Variants in PCDHAC1 observed in about 807,000 individuals in gnomAD.
The protein encoded by PCDHAC1 is protocadherin alpha-C1.
In PCDHAC1, 42 loss-of-function variants were observed where a neutral mutation model predicts 60.0. That is an observed-to-expected ratio of 0.70 (90% CI 0.55 to 0.90). The LOEUF (loss-of-function observed/expected upper bound fraction) is 0.90, where lower values mean the gene tolerates loss of function less well. Ranked by LOEUF, PCDHAC1 falls within the 40% of genes least tolerant of loss-of-function variation. The pLI, the probability that PCDHAC1 is intolerant of heterozygous loss-of-function variation, is 0.00. For missense variants in PCDHAC1, 1,160 were observed against 1,222.3 expected (o/e 0.95, Z 0.76); for synonymous variants, 468 against 499.3 (o/e 0.94, Z 0.84).
intron 2 of PCDHAC1, among the ~76,000 whole-genome samples, chr5:140,981,928 T>A (rs141616160): frequency 6.6e-6 from 1 of 152,202 alleles, no homozygotes; most frequent in African/African-American, 2.4e-5. Context: ...GTTTCTCTAG[T>A]CTCAGGAAAT....
Position 141,011,614 on chromosome 5 carries a change from T to C in PCDHAC1, c.*1677T>C, listed in dbSNP as rs1268321894. On this transcript the variant is annotated 3_prime_UTR_variant, in exon 4 of 4. Transcript: ENST00000253807. ...GTGATTCAAGGAATTTTATTTATGG[T>C]CCAGCCAAGAGCCATCTCGTGCCAA... 5 of 153,774 alleles carry C rather than the reference T, an allele frequency of 3.3e-5. No individual in the cohort carries two copies. Among genetic ancestry groups the C allele is most frequent in the African/African-American group, 1.2e-4 (5 of 41,460 alleles). 9.5% of individuals were successfully genotyped at this position (153,774 alleles called of 1,614,324 possible). A position where few individuals can be genotyped will look rare whatever the true frequency, so the allele number is the denominator to read the frequency against.
intron 3 of PCDHAC1, among the ~76,000 whole-genome samples, chr5:140,987,383 G>A (rs2097252098): frequency 6.6e-6 from 1 of 152,138 alleles, no homozygotes; most frequent in Admixed American, 6.5e-5. Flanking sequence ...GGGTCAGAAT[G>A]CATGCAAGGA....
At chr5:141,005,558 C>T (rs367751568) in intron 3 of PCDHAC1, among the ~76,000 whole-genome samples, 1 of 151,122 alleles carries the variant, frequency 6.6e-6, no homozygotes, top group Non-Finnish European at 1.5e-5. Context: ...AAAAATTAGC[C>T]GGGCATGGTG....
chr5:140,930,702 A>T (rs1359159980), intron 1 of PCDHAC1, among the ~76,000 whole-genome samples: 1 of 152,234 alleles, frequency 6.6e-6, no homozygotes, highest in African/African-American at 2.4e-5. Context: ...CTTGTAAGTT[A>T]TTCTTCCTCA....
intron 1 of PCDHAC1, among the ~76,000 whole-genome samples, chr5:140,946,813 G>T (rs2094033515): frequency 6.6e-6 from 1 of 151,408 alleles, no homozygotes; most frequent in South Asian, 2.1e-4. Flanking sequence ...GTATAACAGT[G>T]ATTACCAGAG....
chr5:140,999,812 G>A (rs1305602487), intron 3 of PCDHAC1, among the ~76,000 whole-genome samples: 2 of 152,270 alleles, frequency 1.3e-5, no homozygotes, highest in East Asian at 3.9e-4. Flanking sequence ...CACAAAGCAA[G>A]AGCTGTGGCT....
chr5:140,948,312 G>A (rs2094238308), intron 1 of PCDHAC1, among the ~76,000 whole-genome samples: 1 of 151,400 alleles, frequency 6.6e-6, no homozygotes, highest in African/African-American at 2.4e-5. Context: ...TTCTTCTTGA[G>A]GGGTAATGTT....
intron 1 of PCDHAC1, among the ~76,000 whole-genome samples, chr5:140,969,689 G>C (rs2096353737): frequency 6.6e-6 from 1 of 152,136 alleles, no homozygotes; most frequent in Admixed American, 6.5e-5. Context: ...AGGAGAAATG[G>C]CCTCTGCTGT....
At chr5:140,991,792 T>A (rs541458701) in intron 3 of PCDHAC1, among the ~76,000 whole-genome samples, 4 of 152,282 alleles carry the variant, frequency 2.6e-5, no homozygotes, top group Non-Finnish European at 5.9e-5. Context: ...CATTTCCCAA[T>A]CTCAAGGCCA....
chr5:140,928,905 G>T lies in PCDHAC1; in HGVS notation c.2013G>T (p.Trp671Cys). 6.2e-7 allele frequency: 1 copy of T among 1,614,138 alleles called. No homozygotes were observed. Among genetic ancestry groups the T allele is most frequent in the South Asian group, 1.1e-5 (1 of 91,082 alleles). Residue 671 changes from tryptophan (W) to cysteine (C), a missense_variant, in exon 1 of 4, where the codon TGG (tryptophan) becomes TGT (cysteine). By Grantham distance (215) the Trp-to-Cys change is radical (BLOSUM62 -2). Coordinates refer to ENST00000253807, the MANE Select transcript of PCDHAC1 (RefSeq NM_018898.5). ...TACTTCCAGACTTTGAAGATGTCTGGGAACCAGGAGGGCAGCTTTCTGCCC... is the reference window on the plus strand; with the variant it reads ...TACTTCCAGACTTTGAAGATGTCTGTGAACCAGGAGGGCAGCTTTCTGCCC... ...PQLLPDFEDV[W>C]EPGGQLSAQN... is the part of the protein sequence containing the mutation.
chr5:140,990,199 G>A (rs1308811962), intron 3 of PCDHAC1, among the ~76,000 whole-genome samples: 1 of 152,132 alleles, frequency 6.6e-6, no homozygotes, highest in East Asian at 1.9e-4. Context: ...ATGTGGACCC[G>A]AAAGAGAACA....
intron 1 of PCDHAC1, among the ~76,000 whole-genome samples, chr5:140,950,286 C>G (rs2094469059): frequency 6.6e-6 from 1 of 151,924 alleles, no homozygotes; most frequent in Non-Finnish European, 1.5e-5. Flanking sequence ...TTGCTTCAAC[C>G]TGAAAAACTT....
intron 3 of PCDHAC1, among the ~76,000 whole-genome samples, chr5:140,991,403 C>A (rs1230118485): frequency 6.6e-6 from 1 of 152,116 alleles, no homozygotes; most frequent in African/African-American, 2.4e-5. Context: ...TATTTATTTC[C>A]CATTATGCTA....
At chr5:140,968,067 T>G in intron 1 of PCDHAC1, 1 of 1,614,082 alleles carries the variant, frequency 6.2e-7, no homozygotes, top group Non-Finnish European at 8.5e-7. Context: ...CGGGTGGCTG[T>G]CTACAACATC....
chr5:140,957,333 A>T (rs2095351211), intron 1 of PCDHAC1, among the ~76,000 whole-genome samples: 1 of 152,164 alleles, frequency 6.6e-6, no homozygotes, highest in African/African-American at 2.4e-5. Context: ...GTACAGTAAG[A>T]TATTTTGAGA....
At chr5:140,966,865 G>T (rs1554228807) in intron 1 of PCDHAC1, 4 of 1,565,172 alleles carry the variant, frequency 2.6e-6, no homozygotes, top group Non-Finnish European at 1.7e-6. Context: ...TGCTGTTGCT[G>T]CTGCTGCTAC....
rs782034471 is a variant in PCDHAC1 at position 141,010,170 on chromosome 5, T to G, written c.*233T>G. ...TCCACTCTGGCTTGTTTTCAGAACCTAAAAAGCAGACCCAAGTTTCCTTTC... is the reference window on the plus strand; with the variant it reads ...TCCACTCTGGCTTGTTTTCAGAACCGAAAAAGCAGACCCAAGTTTCCTTTC... On this transcript the variant is annotated 3_prime_UTR_variant, in exon 4 of 4. Transcript: ENST00000253807. 6.4e-7 allele frequency: 1 copy of G among 1,559,590 alleles called. No individual in the cohort carries two copies.
At chr5:141,007,806 T>G (rs979059299) in intron 3 of PCDHAC1, among the ~76,000 whole-genome samples, 12 of 152,220 alleles carry the variant, frequency 7.9e-5, no homozygotes, top group Non-Finnish European at 1.3e-4. Context: ...TATCTGCCAT[T>G]CATTTGCCTT....
At position 140,970,091 on chromosome 5, in the gene PCDHAC1, G is replaced by A. The variant is rs542039822; in HGVS notation, c.2434-8858G>A. ...AATGAGTGGATTAGGGGTGTGGGGG[G>A]ATGGTGAAGACCAAGAGAAGCTGGG... On this transcript the variant is annotated intron_variant, in intron 1 of 3. Coordinates refer to ENST00000253807, the MANE Select transcript of PCDHAC1 (RefSeq NM_018898.5). 3.9e-4 allele frequency among the ~76,000 whole-genome samples: 59 copies of A among 152,258 alleles called. 1 individual carries two copies. Among genetic ancestry groups the A allele is most frequent in the Admixed American group, 1.1e-3 (17 of 15,292 alleles).
Sources: allele counts gnomAD v4.1 joint callset (sites outside exome capture counted in the v4.1 genomes callset), GRCh38; gene constraint gnomAD v4.1.1; transcripts MANE v1.5; gene names NCBI Gene and HGNC (gene_info 2026-07-23, HGNC 2026-07-21).